Variants in RCC1L observed in about 807,000 individuals in gnomAD.
RCC1L encodes the protein RCC1-like G exchanging factor-like protein.
In RCC1L, 46 loss-of-function variants were observed where a neutral mutation model predicts 58.6. The observed-to-expected ratio is 0.79, with a 90% CI of 0.62 to 1.00. The LOEUF is 1.00. Ranked by LOEUF, RCC1L falls within the 50% of genes least tolerant of loss-of-function variation. The probability of loss-of-function intolerance (pLI) is 0.00; values close to 1 mark genes in which losing one functional copy is unlikely to be tolerated. For synonymous variants in RCC1L, 281 were observed against 262.9 expected, an observed-to-expected ratio of 1.07 and a Z score of -0.67; for missense variants, 636 against 623.6, an observed-to-expected ratio of 1.02 and a Z score of -0.21.
At chr7:75,046,909 G>A (rs1312665239) in intron 10 of RCC1L, among the ~76,000 whole-genome samples, 1 of 152,162 alleles carries the variant, frequency 6.6e-6, no homozygotes, top group Non-Finnish European at 1.5e-5. Context: ...CCAGAGAAAG[G>A]GAGACTACTC....
chr7:75,047,951 TA>T (rs1165495607), intron 10 of RCC1L, among the ~76,000 whole-genome samples: 9,510 of 72,092 alleles, frequency 0.13, 337 homozygotes, highest in Middle Eastern at 0.31. Context: ...GGCCAATAAT[TA>T]AAAAAAAAAA....
chr7:75,035,519 C>T (rs1023916383), intron 10 of RCC1L, among the ~76,000 whole-genome samples: 1 of 152,130 alleles, frequency 6.6e-6, no homozygotes, highest in Non-Finnish European at 1.5e-5. Flanking sequence ...GCAGCAACTC[C>T]ACTCCTAGGT....
intron 10 of RCC1L, among the ~76,000 whole-genome samples, chr7:75,032,491 C>T (rs1805328894): frequency 6.6e-6 from 1 of 152,132 alleles, no homozygotes; most frequent in African/African-American, 2.4e-5. Flanking sequence ...GGGCTTGAGA[C>T]CGGCAGGTTC....
At chr7:75,046,971 T>C (rs1173051814) in intron 10 of RCC1L, among the ~76,000 whole-genome samples, 2 of 151,888 alleles carry the variant, frequency 1.3e-5, no homozygotes, top group East Asian at 1.9e-4. Context: ...TTTTTTTTTT[T>C]CAATGAGACG....
intron 10 of RCC1L, 35 bp from the exon 11 acceptor site, chr7:75,043,144 G>T (rs1805616271): frequency 6.2e-7 from 1 of 1,610,590 alleles, no homozygotes; most frequent in African/African-American, 1.3e-5. Context: ...ATGGGTGGGG[G>T]TGGCGCACCC....
chr7:75,043,130 T>C (rs1805615400), intron 10 of RCC1L, 21 bp from the exon 11 acceptor site: 28 of 1,613,498 alleles, frequency 1.7e-5, no homozygotes, highest in South Asian at 3.3e-5. Flanking sequence ...AGATCCAGCA[T>C]ACCATGGGTG....
intron 9 of RCC1L, among the ~76,000 whole-genome samples, chr7:75,054,926 G>C (rs1554443697): frequency 1.3e-5 from 2 of 152,206 alleles, no homozygotes; most frequent in Non-Finnish European, 2.9e-5. Context: ...ACTCCAGCTG[G>C]CAGCCATAAC....
chr7:75,055,726 A>G, intron 9 of RCC1L, 175 bp downstream of exon 9: 2 of 727,206 alleles, frequency 2.8e-6, no homozygotes, highest in East Asian at 2.7e-5. Context: ...AAAACAAGAC[A>G]TTATACAACC....
chr7:75,052,636 C>T lies in RCC1L; in HGVS notation c.1317+75G>A, dbSNP rs913134666. 44 of 1,416,792 alleles carry T rather than the reference C, an allele frequency of 3.1e-5. No homozygotes were observed. The South Asian group carries it at 3.4e-4, about 11-fold the overall frequency. 87.8% of individuals were successfully genotyped at this position (1,416,792 alleles called of 1,614,324 possible). A position where few individuals can be genotyped will look rare whatever the true frequency, so the allele number is the denominator to read the frequency against. ...TGGCCCTCGTCCTGGCCCATCTGCA[C>T]GCGAGGTGTCTGCAGTGACGTCAGG... On this transcript the variant is annotated intron_variant, in intron 10 of 10. Transcript: ENST00000610322.
intron 1 of RCC1L, among the ~76,000 whole-genome samples, chr7:75,071,776 C>T (rs1250282074): frequency 6.6e-6 from 1 of 152,098 alleles, no homozygotes; most frequent in Non-Finnish European, 1.5e-5. Context: ...TACTTTACCT[C>T]TATATCTGTT....
At chr7:75,063,107 T>C (rs1451109213) in intron 5 of RCC1L, among the ~76,000 whole-genome samples, 185 bp downstream of exon 5, 1 of 152,100 alleles carries the variant, frequency 6.6e-6, no homozygotes, top group Non-Finnish European at 1.5e-5. Context: ...CCCAAAATCT[T>C]ATTAAACTTT....
chr7:75,056,153 C>T, intron 8 of RCC1L, 79 bp from the exon 9 acceptor site: 1 of 1,533,542 alleles, frequency 6.5e-7, no homozygotes, highest in South Asian at 1.1e-5. Flanking sequence ...ACTACACCAC[C>T]AAGGTTTATG....
intron 10 of RCC1L, among the ~76,000 whole-genome samples, chr7:75,048,266 CAAAAA>C (rs1166086711): frequency 1.0e-5 from 1 of 95,760 alleles, no homozygotes; most frequent in Admixed American, 1.1e-4. Context: ...GACATCGCCT[CAAAAA>C]AAAAAAAAAA....
chr7:75,057,466 C>T (rs985681842), intron 8 of RCC1L, 63 bp downstream of exon 8: 1 of 1,555,658 alleles, frequency 6.4e-7, no homozygotes, highest in Admixed American at 1.7e-5. Flanking sequence ...CCAATGGACA[C>T]TGACCACTCC....
At chr7:75,044,061 G>A (rs1315436564) in intron 10 of RCC1L, among the ~76,000 whole-genome samples, 1 of 152,154 alleles carries the variant, frequency 6.6e-6, no homozygotes, top group Non-Finnish European at 1.5e-5. Context: ...AAGCTTCAAG[G>A]GAGCAAGAAG....
chr7:75,061,410 G>T, intron 5 of RCC1L, 119 bp from the exon 6 acceptor site: 1 of 812,200 alleles, frequency 1.2e-6, no homozygotes, highest in Non-Finnish European at 2.2e-6. Flanking sequence ...CATGGTCCAG[G>T]CAGACTGCTC....
chr7:75,046,902 G>C (rs1019742700), intron 10 of RCC1L, among the ~76,000 whole-genome samples: 1 of 152,298 alleles, frequency 6.6e-6, no homozygotes, highest in South Asian at 2.1e-4. Context: ...AAGAGAGCCA[G>C]AGAAAGGGAG....
At chr7:75,065,465 G>A (rs1340076129) in intron 3 of RCC1L, among the ~76,000 whole-genome samples, 1 of 152,152 alleles carries the variant, frequency 6.6e-6, no homozygotes, top group Non-Finnish European at 1.5e-5. Flanking sequence ...TGAGGCAGGA[G>A]AATCACCTGA....
intron 10 of RCC1L, among the ~76,000 whole-genome samples, chr7:75,046,079 A>G (rs1446695972): frequency 3.3e-5 from 5 of 152,196 alleles, no homozygotes; most frequent in African/African-American, 1.2e-4. Context: ...CCGACCCCGG[A>G]GCTTTGCACC....
Sources: allele counts gnomAD v4.1 joint callset (sites outside exome capture counted in the v4.1 genomes callset), GRCh38; gene constraint gnomAD v4.1.1; transcripts MANE v1.5; gene names NCBI Gene and HGNC (gene_info 2026-07-23, HGNC 2026-07-21).